The following SCLT1 variants were observed in gnomAD, a reference collection of about 807,000 sequenced individuals.
SCLT1 encodes the protein sodium channel-associated protein 1.
In SCLT1, 78 loss-of-function variants were observed where a neutral mutation model predicts 112.8. The ratio of observed to expected loss-of-function variants is 0.69; its 90% CI spans 0.58 to 0.83. The LOEUF is 0.83. Among genes scored for constraint, SCLT1 ranks in the 40% least tolerant of loss-of-function variants. The pLI, the probability that SCLT1 is intolerant of heterozygous loss-of-function variation, is 0.00. For synonymous variants in SCLT1, 257 were observed against 254.7 expected (o/e 1.01, Z -0.09); for missense variants, 747 against 770.4 (o/e 0.97, Z 0.36).
At chr4:128,981,204 G>C (rs916709292) in intron 9 of SCLT1, among the ~76,000 whole-genome samples, 5 of 152,174 alleles carry the variant, frequency 3.3e-5, no homozygotes, top group Non-Finnish European at 7.3e-5. Context: ...CTAACCAACT[G>C]CATCTTGCTT....
At chr4:128,963,551 T>C (rs767272794) in intron 11 of SCLT1, among the ~76,000 whole-genome samples, 6 of 152,168 alleles carry the variant, frequency 3.9e-5, no homozygotes, top group Non-Finnish European at 7.4e-5. Context: ...TGGAAAATCA[T>C]ACCTAGTCAT....
chr4:128,983,230 G>A (rs950660847), intron 9 of SCLT1, among the ~76,000 whole-genome samples: 1 of 152,072 alleles, frequency 6.6e-6, no homozygotes, highest in Non-Finnish European at 1.5e-5. Flanking sequence ...AGATAACATT[G>A]GTTATTCCTA....
At chr4:128,965,348 T>C (rs1195041266) in intron 10 of SCLT1, 30 bp from the exon 11 acceptor site, 4 of 1,421,970 alleles carry the variant, frequency 2.8e-6, no homozygotes, top group Admixed American at 3.4e-5. Flanking sequence ...GAAGCTTACT[T>C]TGAGTATGTG....
intron 18 of SCLT1, among the ~76,000 whole-genome samples, chr4:128,928,776 G>A (rs1005743399): frequency 1.3e-5 from 2 of 151,990 alleles, no homozygotes; most frequent in Admixed American, 1.3e-4. Flanking sequence ...AGGTTGCAGT[G>A]AGCTGAGATC....
At chr4:129,087,175 G>T (rs1752467105) in intron 1 of SCLT1, among the ~76,000 whole-genome samples, 1 of 152,100 alleles carries the variant, frequency 6.6e-6, no homozygotes, top group Non-Finnish European at 1.5e-5. Context: ...GCAGGACAAA[G>T]GATAGAAGAC....
chr4:129,093,432 C>T lies in SCLT1; in HGVS notation c.-329G>A. On this transcript the variant is annotated 5_prime_UTR_variant, in exon 1 of 21. Transcript: ENST00000281142. ...TCTCGTCGGGCCACCTAGGAGAGTG[C>T]CGCGGGAGCTTGACGGCAGCCTGAG... is the stretch of plus-strand genomic sequence containing the variant. The T allele has an allele frequency of 3.2e-6, 1 of 308,274 alleles. No homozygotes were observed. Among genetic ancestry groups the T allele is most frequent in the Non-Finnish European group, 6.0e-6 (1 of 166,238 alleles). 19.1% of individuals were successfully genotyped at this position (308,274 alleles called of 1,614,324 possible). A position where few individuals can be genotyped will look rare whatever the true frequency, so the allele number is the denominator to read the frequency against.
In SCLT1 at chr4:128,957,042, AT is replaced by A. The variant is rs1739276544; in HGVS notation, c.1129del (p.Ile377Ter). The part of the protein sequence containing the change: ...TVSRFVQDAT[I>X]RTKKEVANTK... ...AATCCTTACTTCTTTCTTGGTTCTT[AT>A]GGTAGCATCTTGTACAAACCGAGAA... On this transcript the variant is annotated frameshift_variant, in exon 13 of 21. Transcript: ENST00000281142. LOFTEE classifies it high-confidence loss of function. The A allele has an allele frequency of 3.2e-6, 5 of 1,564,800 alleles. No homozygotes were observed. Among genetic ancestry groups the A allele is most frequent in the Non-Finnish European group, 3.5e-6 (4 of 1,151,592 alleles).
chr4:128,957,530 A>G (rs1454376782), intron 12 of SCLT1, among the ~76,000 whole-genome samples: 2 of 152,080 alleles, frequency 1.3e-5, no homozygotes, highest in Non-Finnish European at 2.9e-5. Flanking sequence ...TCATTAACTC[A>G]TAATTTGATC....
intron 18 of SCLT1, among the ~76,000 whole-genome samples, chr4:128,909,712 G>A (rs568179580): frequency 1.3e-5 from 2 of 152,266 alleles, no homozygotes; most frequent in South Asian, 2.1e-4. Flanking sequence ...CAATAAATAC[G>A]TGATAAGTGA....
At chr4:128,927,083 C>T (rs1318268769) in intron 18 of SCLT1, among the ~76,000 whole-genome samples, 1 of 151,362 alleles carries the variant, frequency 6.6e-6, no homozygotes, top group Admixed American at 6.6e-5. Context: ...ACAATAAAAA[C>T]AAATCCCAAT....
intron 11 of SCLT1, among the ~76,000 whole-genome samples, chr4:128,962,042 A>G (rs1301898878): frequency 6.6e-6 from 1 of 152,178 alleles, no homozygotes; most frequent in Admixed American, 6.5e-5. Context: ...CCTTCTTGCA[A>G]TATTATACAG....
At chr4:129,064,762 T>C (rs1000645235) in intron 2 of SCLT1, among the ~76,000 whole-genome samples, 5 of 152,190 alleles carry the variant, frequency 3.3e-5, no homozygotes, top group African/African-American at 1.2e-4. Flanking sequence ...AGAAGCATAC[T>C]GTTAAATTTC....
chr4:128,900,698 G>C (rs1238815762), intron 18 of SCLT1, among the ~76,000 whole-genome samples: 1 of 152,166 alleles, frequency 6.6e-6, no homozygotes, highest in Non-Finnish European at 1.5e-5. Flanking sequence ...AAACTAAAGA[G>C]CTTCTGCACA....
chr4:129,003,871 T>A lies in SCLT1; in HGVS notation c.296A>T (p.His99Leu). 6.2e-7 allele frequency: 1 copy of A among 1,610,678 alleles called. No individual in the cohort carries two copies. Among genetic ancestry groups the A allele is most frequent in the Non-Finnish European group, 8.5e-7 (1 of 1,178,668 alleles). The change falls in exon 6 of 21, where the codon CAC (histidine) becomes CTC (leucine). Residue 99 changes from histidine to leucine, a missense_variant. His to Leu is a moderately conservative substitution (Grantham distance 99, BLOSUM62 -3). Transcript: ENST00000281142. ...ENVIKENERL[H>L]SELKDAVEKK... ...TTCAACAGCATCTTTTAATTCACTG[T>A]GCAACCTTTGAAACAAATAGTTAAC... is the stretch of plus-strand genomic sequence containing the variant.
At chr4:129,084,859 A>G (rs1447760865) in intron 1 of SCLT1, among the ~76,000 whole-genome samples, 1 of 152,232 alleles carries the variant, frequency 6.6e-6, no homozygotes, top group Non-Finnish European at 1.5e-5. Flanking sequence ...TACACAATAT[A>G]TAAATAATAA....
In SCLT1 at chr4:128,884,497, T is replaced by C. The variant is rs749809941; in HGVS notation, c.2047A>G (p.Met683Val). ...TATTTTTAAATATTTTCCAGATTCA[T>C]CAGGGAGGCTGCTTTTCTTCTCTGC... ...TVQRRKAASL[M>V]NLENI Residue 683 changes from methionine to valine, a missense_variant, in exon 21 of 21, where the codon ATG (methionine) becomes GTG (valine). This residue lies in a region of SCLT1 where 24 missense variants were observed against 49.1 expected (regional missense o/e 0.49). Coordinates refer to ENST00000281142, the MANE Select transcript of SCLT1 (RefSeq NM_144643.4). The C allele has an allele frequency of 1.2e-6, 2 of 1,603,028 alleles. No homozygotes were observed. The highest frequency in any genetic ancestry group is 2.7e-5 in the African/African-American group (2 of 74,730).
intron 2 of SCLT1, among the ~76,000 whole-genome samples, chr4:129,048,194 A>C (rs1748375455): frequency 6.6e-6 from 1 of 152,182 alleles, no homozygotes; most frequent in South Asian, 2.1e-4. Context: ...CAAAAGAACA[A>C]AGCTGGAGGC....
intron 18 of SCLT1, among the ~76,000 whole-genome samples, chr4:128,904,754 T>C (rs754997142): frequency 4.6e-5 from 7 of 152,206 alleles, no homozygotes; most frequent in Non-Finnish European, 8.8e-5. Context: ...TATTTAATCC[T>C]AGTATGTGGC....
At chr4:128,948,854 GATT>G (rs1173142696) in intron 14 of SCLT1, among the ~76,000 whole-genome samples, 4 of 152,114 alleles carry the variant, frequency 2.6e-5, no homozygotes, top group Non-Finnish European at 5.9e-5. Context: ...TCATACTATA[GATT>G]TTCTTTTCAT....
Sources: gnomAD v4.1 joint callset for allele counts (sites outside exome capture counted in the v4.1 genomes callset) on GRCh38, gnomAD v4.1.1 for gene constraint, gnomAD v4.1.1 regional missense constraint, MANE v1.5 for transcripts, NCBI Gene and HGNC (gene_info 2026-07-23, HGNC 2026-07-21) for gene names.